The following PHEX variants were observed in gnomAD, a reference collection of about 807,000 sequenced individuals.
The protein encoded by PHEX is phosphate regulating endopeptidase X-linked, also known as phosphate-regulating neutral endopeptidase PHEX.
In PHEX, 16 loss-of-function variants were observed where a neutral mutation model predicts 68.0. The observed-to-expected ratio is 0.24, with a 90% CI of 0.16 to 0.36. The LOEUF (loss-of-function observed/expected upper bound fraction) is 0.36, where lower values mean the gene tolerates loss of function less well. Among genes scored for constraint, PHEX ranks in the 10% least tolerant of loss-of-function variants. The pLI is 1.00. For synonymous variants in PHEX, 208 were observed against 205.1 expected (o/e 1.01, Z -0.12); for missense variants, 480 against 575.5 (o/e 0.83, Z 1.70).
At chrX:22,149,574 C>T (rs1436731933) in intron 12 of PHEX, among the ~76,000 whole-genome samples, 2 of 111,534 alleles carry the variant, frequency 1.8e-5, no homozygotes, top group African/African-American at 6.5e-5. Flanking sequence ...GCCAACATGG[C>T]AAAACCCTGT....
At chrX:22,171,214 G>A (rs1377876511) in intron 13 of PHEX, 1 of 110,917 alleles carries the variant, frequency 9.0e-6, no homozygotes, top group Non-Finnish European at 1.9e-5. Flanking sequence ...GGAAAGTGAA[G>A]GGGAAACAGG....
At chrX:22,055,128 T>C (rs1388680619) in intron 3 of PHEX, among the ~76,000 whole-genome samples, 1 of 95,819 alleles carries the variant, frequency 1.0e-5, no homozygotes, top group African/African-American at 3.8e-5. Context: ...TGAGCCAAGA[T>C]AGCACCACTG....
At chrX:22,178,608 G>C (rs1027803720) in intron 14 of PHEX, among the ~76,000 whole-genome samples, 1 of 111,421 alleles carries the variant, frequency 9.0e-6, no homozygotes, top group Non-Finnish European at 1.9e-5. Context: ...ATCAAGAGAA[G>C]GCTTATTAGA....
intron 14 of PHEX, among the ~76,000 whole-genome samples, chrX:22,178,624 A>C (rs748193383): frequency 8.9e-6 from 1 of 112,175 alleles, no homozygotes; most frequent in Non-Finnish European, 1.9e-5. Flanking sequence ...TTAGAATGCA[A>C]ACATTAAAGT....
chrX:22,039,167 C>T (rs1001980078), intron 2 of PHEX, among the ~76,000 whole-genome samples: 2 of 112,045 alleles, frequency 1.8e-5, no homozygotes, highest in Admixed American at 1.9e-4. Context: ...CGGAGTTTCA[C>T]CTTGTTGGCC....
At chrX:22,228,323 C>T (rs952026459) in intron 20 of PHEX, among the ~76,000 whole-genome samples, 1 of 111,486 alleles carries the variant, frequency 9.0e-6, no homozygotes, top group African/African-American at 3.3e-5. Flanking sequence ...ATGGCCTCAC[C>T]GTGGGCAAAT....
chrX:22,047,100 T>C lies in PHEX; in HGVS notation c.238T>C (p.Phe80Leu). ...VNLSVDPCDN[F>L]FRFACDGWIS... Reference sequence around the variant, plus strand: ...TCTGTCTGTGGATCCTTGTGATAATTTCTTCCGGTTCGCTTGTGATGGCTG... The same window carrying C: ...TCTGTCTGTGGATCCTTGTGATAATCTCTTCCGGTTCGCTTGTGATGGCTG... The change falls in exon 3 of 22, where the codon TTC becomes CTC. Residue 80 changes from phenylalanine (F) to leucine (L), a missense_variant. Phe to Leu is a conservative substitution (Grantham distance 22, BLOSUM62 0). Coordinates refer to ENST00000379374, the MANE Select transcript of PHEX (RefSeq NM_000444.6). The C allele has an allele frequency of 8.3e-7, 1 of 1,207,515 alleles. No homozygotes were observed. Among genetic ancestry groups the C allele is most frequent in the South Asian group, 1.8e-5 (1 of 56,898 alleles).
intron 15 of PHEX, among the ~76,000 whole-genome samples, chrX:22,201,429 C>T (rs1934551894): frequency 9.0e-6 from 1 of 111,578 alleles, no homozygotes; most frequent in East Asian, 2.8e-4. Flanking sequence ...AAGTGATCCA[C>T]CTGCCTCGGC....
intron 18 of PHEX, among the ~76,000 whole-genome samples, chrX:22,222,662 CA>C (rs1319131294): frequency 9.0e-6 from 1 of 111,688 alleles, no homozygotes; most frequent in Non-Finnish European, 1.9e-5. Context: ...AAAAACCCCC[CA>C]AAAAACAATA....
At chrX:22,087,912 T>C (rs906286124) in intron 5 of PHEX, among the ~76,000 whole-genome samples, 4 of 112,008 alleles carry the variant, frequency 3.6e-5, no homozygotes, top group South Asian at 3.7e-4. Context: ...TTTTAAAGTA[T>C]CTTAAAATTT....
chrX:22,226,402 C>G, intron 18 of PHEX, 41 bp from the exon 19 acceptor site: 1 of 946,210 alleles, frequency 1.1e-6, no homozygotes, highest in Non-Finnish European at 1.5e-6. Flanking sequence ...GACCGTGAAA[C>G]ACGCATTCAT....
chrX:22,041,281 A>C (rs762107483), intron 2 of PHEX, among the ~76,000 whole-genome samples: 10,194 of 91,816 alleles, frequency 0.11, 594 homozygotes, highest in Admixed American at 0.17. Context: ...ATATATATAT[A>C]TATATATATA....
intron 1 of PHEX, among the ~76,000 whole-genome samples, chrX:22,035,997 T>TACACAC (rs1401114669): frequency 1.1e-4 from 8 of 71,533 alleles, no homozygotes; most frequent in African/African-American, 4.9e-4. Flanking sequence ...ATTAATTAAT[T>TACACAC]ATACACACAC....
intron 14 of PHEX, among the ~76,000 whole-genome samples, chrX:22,179,694 G>GT (rs934693348): frequency 9.0e-6 from 1 of 111,332 alleles, no homozygotes; most frequent in African/African-American, 3.3e-5. Context: ...ATTTCCGTTT[G>GT]TTTTTTGTAG....
At chrX:22,189,850 A>G (rs113631392) in intron 14 of PHEX, among the ~76,000 whole-genome samples, 63 of 112,456 alleles carry the variant, frequency 5.6e-4, no homozygotes, top group African/African-American at 1.8e-3. Context: ...TTAATTTTAT[A>G]GCTAAAACCA....
chrX:22,156,289 A>ATG (rs1200847945), intron 12 of PHEX, among the ~76,000 whole-genome samples: 4 of 110,496 alleles, frequency 3.6e-5, no homozygotes, highest in Non-Finnish European at 5.7e-5. Flanking sequence ...AGGTCTGTTT[A>ATG]TGTAAGTTCT....
At chrX:22,126,695 C>G (rs57218897) in intron 11 of PHEX, among the ~76,000 whole-genome samples, 1 of 110,222 alleles carries the variant, frequency 9.1e-6, no homozygotes, top group Non-Finnish European at 1.9e-5. Flanking sequence ...TCACCAATGT[C>G]TGGTGTCTGA....
intron 17 of PHEX, 152 bp downstream of exon 17, chrX:22,219,255 G>T (rs1935191023): frequency 2.1e-6 from 1 of 470,528 alleles, no homozygotes; most frequent in South Asian, 3.3e-5. Context: ...TTTTCACCGT[G>T]TCTTGCTGTG....
intron 1 of PHEX, among the ~76,000 whole-genome samples, chrX:22,035,772 C>G (rs1602242510): frequency 9.0e-6 from 1 of 110,519 alleles, no homozygotes; most frequent in African/African-American, 3.3e-5. Flanking sequence ...AGAAACCAAA[C>G]TGCTATTTAC....
Sources: gnomAD v4.1 joint callset for allele counts (sites outside exome capture counted in the v4.1 genomes callset) on GRCh38, gnomAD v4.1.1 for gene constraint, MANE v1.5 for transcripts, NCBI Gene and HGNC (gene_info 2026-07-23, HGNC 2026-07-21) for gene names.